Variants in NRG3 observed in about 807,000 individuals in gnomAD.
NRG3 encodes pro-neuregulin-3, membrane-bound isoform.
A neutral mutation model predicts 66.9 loss-of-function variants in NRG3; 31 were observed. That is an observed-to-expected ratio of 0.46 (90% CI 0.35 to 0.63). The LOEUF (loss-of-function observed/expected upper bound fraction) is 0.63. Among genes scored for constraint, NRG3 ranks in the 20% least tolerant of loss-of-function variants. The probability of loss-of-function intolerance (pLI) is 0.00; values close to 1 mark genes in which losing one functional copy is unlikely to be tolerated. For synonymous variants in NRG3, 393 were observed against 359.4 expected (o/e 1.09, Z -1.06); for missense variants, 910 against 878.9 (o/e 1.04, Z -0.45).
At chr10:82,510,488 C>A (rs1329696826) in intron 2 of NRG3, among the ~76,000 whole-genome samples, 1 of 152,134 alleles carries the variant, frequency 6.6e-6, no homozygotes, top group African/African-American at 2.4e-5. Flanking sequence ...TCTTGCCAGG[C>A]AACAGATGAT....
intron 1 of NRG3, among the ~76,000 whole-genome samples, chr10:81,915,698 G>T (rs1199477264): frequency 6.6e-6 from 1 of 152,070 alleles, no homozygotes; most frequent in East Asian, 1.9e-4. Context: ...GAGGACACCT[G>T]GAGTTTATCT....
intron 2 of NRG3, among the ~76,000 whole-genome samples, chr10:82,604,724 A>G (rs2047853334): frequency 6.6e-6 from 1 of 152,202 alleles, no homozygotes; most frequent in South Asian, 2.1e-4. Context: ...TTGACAAAAG[A>G]GCAAACACAA....
At chr10:82,823,078 G>C (rs1211231410) in intron 3 of NRG3, among the ~76,000 whole-genome samples, 1 of 152,056 alleles carries the variant, frequency 6.6e-6, no homozygotes, top group African/African-American at 2.4e-5. Context: ...GTATTCATTT[G>C]TGTGCTTACC....
intron 2 of NRG3, among the ~76,000 whole-genome samples, chr10:82,718,076 G>A (rs750311853): frequency 1.3e-5 from 2 of 151,900 alleles, no homozygotes; most frequent in Non-Finnish European, 2.9e-5. Context: ...GTTAAAGGAA[G>A]ACATTTAAAA....
chr10:82,949,862 A>G (rs1257571505), intron 4 of NRG3, among the ~76,000 whole-genome samples: 1 of 152,098 alleles, frequency 6.6e-6, no homozygotes, highest in African/African-American at 2.4e-5. Flanking sequence ...ATCAAAAACA[A>G]AAACAAAACC....
At chr10:82,340,769 G>A (rs1323802129) in intron 1 of NRG3, 1 of 152,104 alleles carries the variant, frequency 6.6e-6, no homozygotes, top group African/African-American at 2.4e-5. Context: ...AATGGGTGTT[G>A]GGTGCTTGCT....
At chr10:82,790,035 C>T (rs986089327) in intron 3 of NRG3, among the ~76,000 whole-genome samples, 20 of 152,080 alleles carry the variant, frequency 1.3e-4, no homozygotes, top group Admixed American at 4.6e-4. Flanking sequence ...TTATCATTAG[C>T]ATATGCATAT....
At chr10:82,715,082 C>G (rs2056894632) in intron 2 of NRG3, among the ~76,000 whole-genome samples, 1 of 152,084 alleles carries the variant, frequency 6.6e-6, no homozygotes, top group South Asian at 2.1e-4. Flanking sequence ...TAGTCAATCT[C>G]AAGAAAAAAA....
At chr10:81,880,789 C>T (rs1842109301) in intron 1 of NRG3, among the ~76,000 whole-genome samples, 1 of 152,148 alleles carries the variant, frequency 6.6e-6, no homozygotes. Context: ...TGAATTGCTT[C>T]TGAATAGAAC....
intron 2 of NRG3, among the ~76,000 whole-genome samples, chr10:82,663,988 CTTA>C (rs2052566413): frequency 6.6e-6 from 1 of 152,164 alleles, no homozygotes; most frequent in African/African-American, 2.4e-5. Flanking sequence ...ACTGGGCAGC[CTTA>C]TTATGCTGAC....
chr10:82,842,958 A>C (rs2135763382), intron 3 of NRG3, among the ~76,000 whole-genome samples: 1 of 152,386 alleles, frequency 6.6e-6, no homozygotes, highest in African/African-American at 2.4e-5. Flanking sequence ...GTAAGAGATT[A>C]ACAACAATAA....
chr10:82,654,113 T>C (rs2133912273), intron 2 of NRG3, among the ~76,000 whole-genome samples: 1 of 152,126 alleles, frequency 6.6e-6, no homozygotes, highest in East Asian at 1.9e-4. Context: ...TTCCTGGGGT[T>C]GCATGGGATG....
chr10:82,060,096 C>G (rs2064064685), intron 1 of NRG3, among the ~76,000 whole-genome samples: 1 of 152,120 alleles, frequency 6.6e-6, no homozygotes, highest in Non-Finnish European at 1.5e-5. Context: ...TATCTGACTC[C>G]CCCACACAGG....
intron 4 of NRG3, among the ~76,000 whole-genome samples, chr10:82,886,215 A>C (rs1308470277): frequency 6.6e-6 from 1 of 152,244 alleles, no homozygotes; most frequent in African/African-American, 2.4e-5. Context: ...CCTTGGTTTC[A>C]ACAGTGTTTC....
At chr10:82,835,840 A>G (rs968371193) in intron 3 of NRG3, among the ~76,000 whole-genome samples, 2 of 152,158 alleles carry the variant, frequency 1.3e-5, no homozygotes, top group Non-Finnish European at 2.9e-5. Flanking sequence ...ACTGAAGAAG[A>G]AAGAATGCCT....
intron 7 of NRG3, among the ~76,000 whole-genome samples, chr10:82,978,490 T>C (rs1852516072): frequency 6.6e-6 from 1 of 152,246 alleles, no homozygotes; most frequent in African/African-American, 2.4e-5. Context: ...TTGTTAATTT[T>C]ATCGCTAATA....
At chr10:81,952,694 T>A (rs1337500676) in intron 1 of NRG3, among the ~76,000 whole-genome samples, 2 of 152,086 alleles carry the variant, frequency 1.3e-5, no homozygotes, top group African/African-American at 4.8e-5. Context: ...AGCCTTGAAC[T>A]CCTGGCTTAA....
chr10:81,975,100 G>C lies in NRG3; in HGVS notation c.823+98937G>C, dbSNP rs896838682. ...CACAGCAATGAAGAACACTGGAAAG[G>C]CTTTGAAAAAAAAAAGAAAAACATA... On this transcript the variant is annotated intron_variant, in intron 1 of 8. Coordinates refer to ENST00000372141, the MANE Select transcript of NRG3 (RefSeq NM_001010848.4). Among the ~76,000 whole-genome samples the C allele has an allele frequency of 2.5e-4, 37 of 150,726 alleles. 1 individual carries two copies. Among genetic ancestry groups the C allele is most frequent in the Non-Finnish European group, 5.2e-4 (35 of 67,800 alleles).
At chr10:81,954,456 CCA>C (rs1265589099) in intron 1 of NRG3, among the ~76,000 whole-genome samples, 1 of 152,080 alleles carries the variant, frequency 6.6e-6, no homozygotes, top group Non-Finnish European at 1.5e-5. Flanking sequence ...GATTAACATA[CCA>C]GTTTGCTGAG....
Sources: gnomAD v4.1 joint callset for allele counts (sites outside exome capture counted in the v4.1 genomes callset) on GRCh38, gnomAD v4.1.1 for gene constraint, MANE v1.5 for transcripts, NCBI Gene and HGNC (gene_info 2026-07-23, HGNC 2026-07-21) for gene names.